The following HNMT variants were observed in gnomAD, a reference collection of about 807,000 sequenced individuals.
HNMT encodes the protein histamine N-methyltransferase.
HNMT carries 30 observed loss-of-function variants against 32.1 expected under a neutral mutation model. That is an observed-to-expected ratio of 0.93 (90% CI 0.70 to 1.27). HNMT has a LOEUF of 1.27. Among genes scored for constraint, HNMT ranks in the 50% most tolerant of loss-of-function variants. HNMT has a pLI of 0.00. For synonymous variants in HNMT, 125 were observed against 119.0 expected, an observed-to-expected ratio of 1.05 and a Z score of -0.33; for missense variants, 327 against 346.0, an observed-to-expected ratio of 0.95 and a Z score of 0.43.
At chr2:138,010,248 T>A (rs1458815050) in intron 5 of HNMT, among the ~76,000 whole-genome samples, 1 of 152,020 alleles carries the variant, frequency 6.6e-6, no homozygotes, top group Non-Finnish European at 1.5e-5. Context: ...TATGTTTTAA[T>A]TGAACTGAAT....
intron 2 of HNMT, among the ~76,000 whole-genome samples, chr2:137,995,170 G>A (rs1415744094): frequency 6.6e-6 from 1 of 151,526 alleles, no homozygotes; most frequent in Non-Finnish European, 1.5e-5. Context: ...TATGATCAGA[G>A]AAGAATTAAA....
chr2:137,964,529 G>C lies in HNMT; in HGVS notation c.38G>C (p.Gly13Ala). The change falls in exon 1 of 6, where the codon GGG becomes GCG. Residue 13 changes from glycine (G) to alanine (A), a missense_variant. Gly to Ala is a moderately conservative substitution (Grantham distance 60). Coordinates refer to ENST00000280097, the MANE Select transcript of HNMT (RefSeq NM_006895.3). ...ATGAGGAGCTTGTTTTCTGACCACG[G>C]GAAATATGTTGAATCTTTCCGGAGG... ...SSMRSLFSDHGKYVESFRRFL... is the reference protein window; with the variant it reads ...SSMRSLFSDHAKYVESFRRFL... 1 of 1,613,756 alleles carries C rather than the reference G, an allele frequency of 6.2e-7. No homozygotes were observed. The highest frequency in any genetic ancestry group is 1.1e-5 in the South Asian group (1 of 91,066).
At chr2:138,006,329 A>C (rs1458987644) in intron 5 of HNMT, among the ~76,000 whole-genome samples, 1 of 151,976 alleles carries the variant, frequency 6.6e-6, no homozygotes, top group Non-Finnish European at 1.5e-5. Flanking sequence ...ATTCTTGATT[A>C]TATTCATCAA....
At chr2:138,005,503 C>A (rs1170957543) in intron 5 of HNMT, among the ~76,000 whole-genome samples, 1 of 151,940 alleles carries the variant, frequency 6.6e-6, no homozygotes, top group Non-Finnish European at 1.5e-5. Context: ...AGCTTAAATT[C>A]AACTGACAAA....
chr2:138,014,214 C>T lies in HNMT; in HGVS notation c.*84C>T, dbSNP rs1681597952. On this transcript the variant is annotated 3_prime_UTR_variant, in exon 6 of 6. Coordinates refer to ENST00000280097, the MANE Select transcript of HNMT (RefSeq NM_006895.3). ...TATTTCCATATTAAAATCACAAACTCATCCATTAATGTAGATAAAGCACTG... is the reference window on the plus strand; with the variant it reads ...TATTTCCATATTAAAATCACAAACTTATCCATTAATGTAGATAAAGCACTG... 1.1e-6 allele frequency: 1 copy of T among 879,864 alleles called. No homozygotes were observed. Among genetic ancestry groups the T allele is most frequent in the South Asian group, 1.8e-5 (1 of 56,820 alleles). 54.5% of individuals were successfully genotyped at this position (879,864 alleles called of 1,614,324 possible). A position where few individuals can be genotyped will look rare whatever the true frequency, so the allele number is the denominator to read the frequency against.
intron 2 of HNMT, among the ~76,000 whole-genome samples, chr2:137,974,357 T>C (rs1680224606): frequency 6.6e-6 from 1 of 152,196 alleles, no homozygotes; most frequent in South Asian, 2.1e-4. Flanking sequence ...TCATAGAACA[T>C]GCTTCTGGGT....
intron 4 of HNMT, chr2:138,002,432 T>A (rs879571766): frequency 4.5e-6 from 4 of 890,272 alleles, no homozygotes; most frequent in Admixed American, 5.4e-5. Context: ...TATCCATTTT[T>A]AAAAATGTTG....
In HNMT at chr2:138,001,011, T is replaced by G; in HGVS notation, c.284T>G (p.Ile95Ser). The G allele has an allele frequency of 6.2e-7, 1 of 1,601,022 alleles. No homozygotes were observed. Among genetic ancestry groups the G allele is most frequent in the Non-Finnish European group, 8.5e-7 (1 of 1,171,120 alleles). Residue 95 changes from isoleucine to serine, a missense_variant, in exon 3 of 6, where the codon ATT becomes AGT. Ile to Ser is a moderately radical substitution (Grantham distance 142). Coordinates refer to ENST00000280097, the MANE Select transcript of HNMT (RefSeq NM_006895.3). The part of the protein sequence containing the change: ...NEVVEPSAEQ[I>S]AKYKELVAKT... ...GTTGTTGAGCCAAGTGCTGAACAAA[T>G]TGCCAAATACAAAGGTACCTGTAAC...
intron 4 of HNMT, chr2:138,002,850 C>T: frequency 1.2e-6 from 1 of 840,478 alleles, no homozygotes; most frequent in South Asian, 5.5e-5. Context: ...GACCAATGTC[C>T]CAGAGTGTTT....
Position 137,964,617 on chromosome 2 carries a change from C to T in HNMT, c.126C>T (p.Gly42=), listed in dbSNP as rs780067812. The T allele has an allele frequency of 1.4e-5, 22 of 1,613,644 alleles. No homozygotes were observed. Among genetic ancestry groups the T allele is most frequent in the Admixed American group, 5.0e-5 (3 of 59,994 alleles). Residue 42 remains glycine (G), a synonymous_variant, in exon 1 of 6, where the codon GGC becomes GGT. Coordinates refer to ENST00000280097, the MANE Select transcript of HNMT (RefSeq NM_006895.3). The stretch of plus-strand genomic sequence containing the variant: ...AATTCATGGACAAGAAGCTGCCAGG[C>T]ATAATAGGAAGGTAACAAAAGGGAC... ...MQEFMDKKLP[G]IIGRIGDTKS...
chr2:138,003,199 C>T (rs3791239), intron 4 of HNMT, among the ~76,000 whole-genome samples: 29,034 of 149,430 alleles, frequency 0.19, 3,255 homozygotes, highest in Admixed American at 0.28. Context: ...CTAACCTGCA[C>T]ATTGTGCACA....
rs1681626529 is a variant in HNMT, at chr2:138,015,189, TTTC to T, written c.*1062_*1064del. On this transcript the variant is annotated 3_prime_UTR_variant, in exon 6 of 6. Coordinates refer to ENST00000280097, the MANE Select transcript of HNMT (RefSeq NM_006895.3). ...GGGGGTTTTGAAAACAAATTTGATGTTTCTTATTTTTAATAATAACGCTCTGTT... is the reference window on the plus strand; with the variant it reads ...GGGGGTTTTGAAAACAAATTTGATGTTTATTTTTAATAATAACGCTCTGTT... 6.6e-6 allele frequency: 1 copy of T among 152,064 alleles called. No individual in the cohort carries two copies. The highest frequency in any genetic ancestry group is 1.5e-5 in the Non-Finnish European group (1 of 68,004). 9.4% of individuals were successfully genotyped at this position (152,064 alleles called of 1,614,324 possible). A position where few individuals can be genotyped will look rare whatever the true frequency, so the allele number is the denominator to read the frequency against.
At chr2:138,007,143 C>A (rs1026370671) in intron 5 of HNMT, among the ~76,000 whole-genome samples, 7 of 151,906 alleles carry the variant, frequency 4.6e-5, no homozygotes, top group Non-Finnish European at 1.0e-4. Context: ...CATATCACTT[C>A]TTCTGAGAAG....
At position 137,970,737 on chromosome 2, in the gene HNMT, G is replaced by A. The variant is rs1185747319; in HGVS notation, c.190+520G>A. ...AGATCGAGACCATCCTGGCTAACGCGGTGAAACCCTGTCTCTATTAAAAAT... is the reference window on the plus strand; with the variant it reads ...AGATCGAGACCATCCTGGCTAACGCAGTGAAACCCTGTCTCTATTAAAAAT... On this transcript the variant is annotated intron_variant, in intron 2 of 5. Coordinates refer to ENST00000280097, the MANE Select transcript of HNMT (RefSeq NM_006895.3). Among the ~76,000 whole-genome samples, 4 of 151,854 alleles carry A rather than the reference G, an allele frequency of 2.6e-5. No homozygotes were observed. In the East Asian group the frequency reaches 5.8e-4, roughly 22 times the overall value.
rs962125981 is a variant in HNMT, at chr2:138,002,203, T to C, written c.429+9T>C. ...TTATTCATATGATTCAAGTAAGAAATATGTATTATAATATATACTCAGAAA... is the reference window on the plus strand; with the variant it reads ...TTATTCATATGATTCAAGTAAGAAACATGTATTATAATATATACTCAGAAA... On this transcript the variant is annotated intron_variant, in intron 4 of 5. Coordinates refer to ENST00000280097, the MANE Select transcript of HNMT (RefSeq NM_006895.3). The C allele has an allele frequency of 6.6e-6, 10 of 1,509,246 alleles. No individual in the cohort carries two copies. In the African/African-American group the frequency reaches 8.4e-5, roughly 13 times the overall value. 93.5% of individuals were successfully genotyped at this position (1,509,246 alleles called of 1,614,324 possible).
chr2:137,978,669 G>C (rs959006793), intron 2 of HNMT, among the ~76,000 whole-genome samples: 3 of 137,178 alleles, frequency 2.2e-5, no homozygotes, highest in Admixed American at 7.4e-5. Context: ...CATATGATTA[G>C]ATAATATAGT....
At chr2:137,999,186 G>T (rs1681087548) in intron 2 of HNMT, among the ~76,000 whole-genome samples, 1 of 152,104 alleles carries the variant, frequency 6.6e-6, no homozygotes, top group Non-Finnish European at 1.5e-5. Flanking sequence ...ATCCAGTTGG[G>T]AATATTAATA....
intron 2 of HNMT, among the ~76,000 whole-genome samples, chr2:137,987,539 GAACATAGTCAT>G (rs1680683178): frequency 1.3e-5 from 2 of 149,720 alleles, no homozygotes; most frequent in African/African-American, 2.5e-5. Context: ...CCTGATTCTG[GAACATAGTCAT>G]AACATTGTGG....
chr2:137,980,332 C>G (rs896020506), intron 2 of HNMT, among the ~76,000 whole-genome samples: 1 of 152,168 alleles, frequency 6.6e-6, no homozygotes, highest in Non-Finnish European at 1.5e-5. Context: ...CCACCATGCC[C>G]GGTCCTGTAA....
Sources: gnomAD v4.1 joint callset for allele counts (sites outside exome capture counted in the v4.1 genomes callset) on GRCh38, gnomAD v4.1.1 for gene constraint, MANE v1.5 for transcripts, NCBI Gene and HGNC (gene_info 2026-07-23, HGNC 2026-07-21) for gene names.